The following SCAF11 variants were observed in gnomAD, a reference collection of about 807,000 sequenced individuals.
SCAF11 encodes the protein protein SCAF11.
A neutral mutation model predicts 140.5 loss-of-function variants in SCAF11; 47 were observed. The ratio of observed to expected loss-of-function variants is 0.33; its 90% CI spans 0.26 to 0.43. The LOEUF is 0.43. SCAF11 is among the 20% of genes least tolerant of loss of function. SCAF11 has a pLI of 1.00. For missense variants in SCAF11, 1,645 were observed against 1,705.1 expected, an observed-to-expected ratio of 0.96 and a Z score of 0.62; for synonymous variants, 557 against 579.4, an observed-to-expected ratio of 0.96 and a Z score of 0.55.
chr12:45,966,201 A>G (rs1248090421), intron 1 of SCAF11, among the ~76,000 whole-genome samples: 2 of 152,186 alleles, frequency 1.3e-5, no homozygotes, highest in African/African-American at 4.8e-5. Context: ...GTAAACTAGT[A>G]AGAATGTTTA....
intron 3 of SCAF11, among the ~76,000 whole-genome samples, chr12:45,952,322 T>A (rs1945569244): frequency 6.6e-6 from 1 of 152,194 alleles, no homozygotes; most frequent in Non-Finnish European, 1.5e-5. Context: ...AACTTAAGAT[T>A]GATTCATATT....
chr12:45,944,070 G>A (rs1945366885), intron 6 of SCAF11, among the ~76,000 whole-genome samples: 1 of 152,020 alleles, frequency 6.6e-6, no homozygotes, highest in African/African-American at 2.4e-5. Context: ...GTTGTCAGTG[G>A]TCTTAAAACT....
rs1945950321 is a variant in SCAF11 at position 45,966,453 on chromosome 12, TAAAC to T, written c.-21-2269_-21-2266del. Among the ~76,000 whole-genome samples the T allele has an allele frequency of 3.3e-5, 5 of 150,996 alleles. No individual in the cohort carries two copies. The Admixed American group carries it at 3.3e-4, about 10-fold the overall frequency. On this transcript the variant is annotated intron_variant, in intron 1 of 14. Coordinates refer to ENST00000369367, the MANE Select transcript of SCAF11 (RefSeq NM_004719.3). ...TTATGTTCTAGTGGGGAAGACAAAATAAACAAAATAGTAAGTAAAATATCTAGTA... is the reference window on the plus strand; with the variant it reads ...TTATGTTCTAGTGGGGAAGACAAAATAAAATAGTAAGTAAAATATCTAGTA...
rs552532280 is a variant in SCAF11, at chr12:45,920,862, C to T, written c.*1186G>A. 1.3e-5 allele frequency: 2 copies of T among 152,174 alleles called. No individual in the cohort carries two copies. The highest frequency in any genetic ancestry group is 2.4e-5 in the African/African-American group (1 of 41,388). 9.4% of individuals were successfully genotyped at this position (152,174 alleles called of 1,614,324 possible). Reference sequence around the variant, plus strand: ...GTGCCATGAGTCTTGTAATTCTTAGCCCCAAGGAAGGGAGGATAACAGCCT... The same window carrying T: ...GTGCCATGAGTCTTGTAATTCTTAGTCCCAAGGAAGGGAGGATAACAGCCT... On this transcript the variant is annotated 3_prime_UTR_variant, in exon 15 of 15. Coordinates refer to ENST00000369367, the MANE Select transcript of SCAF11 (RefSeq NM_004719.3).
In SCAF11 at chr12:45,928,146, CT is replaced by C; in HGVS notation, c.1554del (p.Gly519GlufsTer19). On this transcript the variant is annotated frameshift_variant, in exon 11 of 15. Coordinates refer to ENST00000369367, the MANE Select transcript of SCAF11 (RefSeq NM_004719.3). LOFTEE classifies it high-confidence loss of function. ...ESEISENILE[K>X]GGDPLEKQDQ... ...TCTTGCTTTTCCAATGGATCACCTCCTTTTTCAAGAATATTTTCAGAAATCT... is the reference window on the plus strand; with the variant it reads ...TCTTGCTTTTCCAATGGATCACCTCCTTTTCAAGAATATTTTCAGAAATCT... The C allele has an allele frequency of 6.2e-7, 1 of 1,613,932 alleles. No homozygotes were observed. Among genetic ancestry groups the C allele is most frequent in the Non-Finnish European group, 8.5e-7 (1 of 1,179,996 alleles).
At chr12:45,991,926 C>T (rs1213847811), upstream of SCAF11, 2 of 1,287,830 alleles carry the variant, frequency 1.6e-6, no homozygotes, top group African/African-American at 1.5e-5. Context: ...ACACGTTTTC[C>T]TGTCGCCTGC....
chr12:45,990,205 A>T lies in SCAF11; in HGVS notation c.-22+148T>A, dbSNP rs1052263104. On this transcript the variant is annotated intron_variant, in intron 1 of 14. Transcript: ENST00000369367. ...GCTCCAACTTTCCTCCCAGCGCACG[A>T]CGTCGCACGGGCCGCGCGAGATTCC... The T allele has an allele frequency of 3.5e-6, 4 of 1,127,410 alleles. No individual in the cohort carries two copies. The East Asian group carries it at 9.7e-5, about 27-fold the overall frequency. The allele number at this position is 1,127,410 out of a possible 1,614,324, so 69.8% of individuals were successfully genotyped here.
At chr12:45,990,651 T>A (rs1946581008), upstream of SCAF11, 1 of 1,140,964 alleles carries the variant, frequency 8.8e-7, no homozygotes, top group Non-Finnish European at 1.1e-6. Flanking sequence ...CTTCCCTCGC[T>A]GTCGGCGCGC....
Position 45,928,198 on chromosome 12 carries a change from C to T in SCAF11, c.1503G>A (p.Glu501=), listed in dbSNP as rs1342257461. 1 of 1,613,930 alleles carries T rather than the reference C, an allele frequency of 6.2e-7. No homozygotes were observed. ...EVKKLENTGI[E]ANVLCLESEI... ...CACTTTCCAAACACAAAACATTAGC[C>T]TCTATACCTGTATTCTCGAGTTTTT... Residue 501 remains glutamate, a synonymous_variant, in exon 11 of 15, where the codon GAG becomes GAA. Transcript: ENST00000369367.
chr12:45,952,861 T>C (rs1945583526), intron 3 of SCAF11, among the ~76,000 whole-genome samples: 2 of 152,214 alleles, frequency 1.3e-5, no homozygotes, highest in Non-Finnish European at 2.9e-5. Context: ...TAATGGAAAC[T>C]AGATATATTA....
At chr12:45,961,078 A>T in intron 3 of SCAF11, 1 of 413,104 alleles carries the variant, frequency 2.4e-6, no homozygotes, top group Non-Finnish European at 4.4e-6. Context: ...TTTCTTATTC[A>T]CTGTCTATGA....
chr12:45,936,873 A>T (rs567736898), intron 6 of SCAF11, among the ~76,000 whole-genome samples: 62 of 152,320 alleles, frequency 4.1e-4, no homozygotes, highest in Admixed American at 1.4e-3. Flanking sequence ...ATAGTTTGAT[A>T]GGTTATAGAA....
intron 3 of SCAF11, among the ~76,000 whole-genome samples, chr12:45,960,008 G>A (rs890844353): frequency 1.3e-5 from 2 of 152,158 alleles, no homozygotes. Flanking sequence ...TTACATGCGG[G>A]AAAGGTGTTG....
chr12:45,977,296 AC>A (rs902537688), intron 1 of SCAF11, among the ~76,000 whole-genome samples: 6 of 152,226 alleles, frequency 3.9e-5, no homozygotes, highest in Admixed American at 3.9e-4. Flanking sequence ...ATTTCATTCA[AC>A]AAATTGTATG....
intron 1 of SCAF11, among the ~76,000 whole-genome samples, chr12:45,964,957 G>T (rs1454435861): frequency 6.6e-6 from 1 of 151,950 alleles, no homozygotes; most frequent in East Asian, 1.9e-4. Context: ...CTACTAAGGA[G>T]ACAGTTGTGT....
intron 3 of SCAF11, chr12:45,953,821 A>T: frequency 1.3e-6 from 1 of 759,864 alleles, no homozygotes; most frequent in Non-Finnish European, 1.9e-6. Flanking sequence ...GAGAAAAAAT[A>T]ACTTACCTCT....
At chr12:45,960,417 T>C (rs774242572) in intron 3 of SCAF11, 1 of 152,018 alleles carries the variant, frequency 6.6e-6, no homozygotes, top group Non-Finnish European at 1.5e-5. Context: ...GCAAAATCTC[T>C]AAAAAAATTT....
In SCAF11 at chr12:45,972,963, T is replaced by TAG. The variant is rs1451649552; in HGVS notation, c.-21-8776_-21-8775insCT. On this transcript the variant is annotated intron_variant, in intron 1 of 14. Transcript: ENST00000369367. ...AGATATATATATAGATATATAGATA[T>TAG]ATATATAGATATATAGATATATAGA... is the stretch of plus-strand genomic sequence containing the variant. Among the ~76,000 whole-genome samples the TAG allele has an allele frequency of 2.6e-3, 335 of 129,344 alleles. 4 individuals carry two copies. In the East Asian group the frequency reaches 0.036, roughly 14 times the overall value. 84.9% of individuals were successfully genotyped at this position (129,344 alleles called of 152,430 possible).
Position 45,924,982 on chromosome 12 carries a change from G to T in SCAF11, c.3652C>A (p.Gln1218Lys). 1 of 1,614,180 alleles carries T rather than the reference G, an allele frequency of 6.2e-7. No homozygotes were observed. The highest frequency in any genetic ancestry group is 8.5e-7 in the Non-Finnish European group (1 of 1,180,018). ...ATAGGCTGGTGTTGTGCATTCATTT[G>T]TTGCTGCATTACATTCATTTGCGGT... ...MQPQMNVMQQQMNAQHQPMNI... is the reference protein window; with the variant it reads ...MQPQMNVMQQKMNAQHQPMNI... Residue 1218 changes from glutamine (Q) to lysine (K), a missense_variant, in exon 12 of 15, where the codon CAA (glutamine) becomes AAA (lysine). Gln to Lys is a moderately conservative substitution (Grantham distance 53). Coordinates refer to ENST00000369367, the MANE Select transcript of SCAF11 (RefSeq NM_004719.3).
Sources: gnomAD v4.1 joint callset for allele counts (sites outside exome capture counted in the v4.1 genomes callset) on GRCh38, gnomAD v4.1.1 for gene constraint, MANE v1.5 for transcripts, NCBI Gene and HGNC (gene_info 2026-07-23, HGNC 2026-07-21) for gene names.